RNF150: variants seen among roughly 807,000 people sequenced by gnomAD.
RNF150 encodes ring finger protein 150.
Under a neutral mutation model 39.3 loss-of-function variants are expected in RNF150, and 24 were observed. That is an observed-to-expected ratio of 0.61 (90% CI 0.44 to 0.86). The LOEUF is 0.86. Ranked by LOEUF, RNF150 falls within the 40% of genes least tolerant of loss-of-function variation. The pLI, the probability that RNF150 is intolerant of heterozygous loss-of-function variation, is 0.00. For synonymous variants in RNF150, 255 were observed against 227.3 expected, an observed-to-expected ratio of 1.12 and a Z score of -1.10; for missense variants, 502 against 587.8, an observed-to-expected ratio of 0.85 and a Z score of 1.51.
intron 4 of RNF150, among the ~76,000 whole-genome samples, chr4:140,942,097 C>T (rs1295226462): frequency 6.6e-6 from 1 of 152,096 alleles, no homozygotes; most frequent in Non-Finnish European, 1.5e-5. Flanking sequence ...GGCAAATGTA[C>T]TTAATGTCAC....
chr4:140,986,238 T>C (rs1048923358), intron 1 of RNF150, among the ~76,000 whole-genome samples: 4 of 152,090 alleles, frequency 2.6e-5, no homozygotes, highest in Admixed American at 2.6e-4. Flanking sequence ...GTCTGCTTTC[T>C]AGAACCTGAA....
chr4:140,987,424 G>C (rs1235241452), intron 1 of RNF150, among the ~76,000 whole-genome samples: 1 of 151,966 alleles, frequency 6.6e-6, no homozygotes, highest in Non-Finnish European at 1.5e-5. Flanking sequence ...CAGAAACACA[G>C]ACCAATAGAA....
In RNF150 at chr4:140,860,222, G is replaced by C. The variant is rs1342553536; in HGVS notation, c.*8039C>G. 6.6e-6 allele frequency: 1 copy of C among 151,546 alleles called. No homozygotes were observed. The highest frequency in any genetic ancestry group is 6.6e-5 in the Admixed American group (1 of 15,224). 9.4% of individuals were successfully genotyped at this position (151,546 alleles called of 1,614,324 possible). A position where few individuals can be genotyped will look rare whatever the true frequency, so the allele number is the denominator to read the frequency against. On this transcript the variant is annotated 3_prime_UTR_variant, in exon 7 of 7. Transcript: ENST00000515673. ...TAGGGTAGGTGCCTGAGGTGGGGAA[G>C]AAGGAAAGAAATTTATACAGAAAAA...
chr4:141,169,865 A>C (rs1727669044), intron 1 of RNF150, among the ~76,000 whole-genome samples: 1 of 151,854 alleles, frequency 6.6e-6, no homozygotes, highest in African/African-American at 2.4e-5. Context: ...ATTTTTTTCT[A>C]ATCTCTTTGA....
chr4:141,125,915 T>TA (rs1465543518), intron 1 of RNF150, among the ~76,000 whole-genome samples: 2 of 152,206 alleles, frequency 1.3e-5, no homozygotes, highest in South Asian at 2.1e-4. Flanking sequence ...TTCTATGACC[T>TA]AAAATGTATA....
chr4:140,948,972 C>T (rs1732433160), intron 3 of RNF150, among the ~76,000 whole-genome samples: 1 of 152,196 alleles, frequency 6.6e-6, no homozygotes, highest in African/African-American at 2.4e-5. Flanking sequence ...GCACTGGCTG[C>T]TAGAAAGCCC....
chr4:141,204,012 C>T (rs1478686460), intron 1 of RNF150, among the ~76,000 whole-genome samples: 1 of 152,126 alleles, frequency 6.6e-6, no homozygotes, highest in African/African-American at 2.4e-5. Flanking sequence ...GTGTAAAATG[C>T]AGCCATTCAG....
At chr4:140,971,846 G>A (rs58093145) in intron 1 of RNF150, among the ~76,000 whole-genome samples, 2,653 of 152,228 alleles carry the variant, frequency 0.017, 71 homozygotes, top group African/African-American at 0.06. Context: ...TAGAATAGCA[G>A]TACAGTGCTA....
intron 1 of RNF150, among the ~76,000 whole-genome samples, chr4:141,125,079 A>C (rs1726714947): frequency 6.6e-6 from 1 of 152,204 alleles, no homozygotes; most frequent in Non-Finnish European, 1.5e-5. Context: ...ATAACCACAA[A>C]TGTGAAATGG....
At chr4:140,929,357 AGTTTTT>A (rs1380606962) in intron 4 of RNF150, among the ~76,000 whole-genome samples, 1 of 122,360 alleles carries the variant, frequency 8.2e-6, no homozygotes, top group African/African-American at 3.1e-5. Context: ...CTGGATGCTA[AGTTTTT>A]TTTTTTTTTT....
intron 5 of RNF150, among the ~76,000 whole-genome samples, chr4:140,924,416 G>C (rs1418867825): frequency 6.6e-6 from 1 of 152,190 alleles, no homozygotes; most frequent in Non-Finnish European, 1.5e-5. Flanking sequence ...AAAATTGAAC[G>C]ATGGATGCTT....
chr4:140,883,378 G>A (rs780968255), intron 6 of RNF150, among the ~76,000 whole-genome samples: 9 of 152,060 alleles, frequency 5.9e-5, no homozygotes, highest in African/African-American at 1.2e-4. Context: ...GAGCTTCATG[G>A]TGCCGTAAGC....
chr4:141,196,328 G>T (rs997526687), intron 1 of RNF150, among the ~76,000 whole-genome samples: 2 of 152,122 alleles, frequency 1.3e-5, no homozygotes, highest in African/African-American at 4.8e-5. Flanking sequence ...ATAGCAAAGG[G>T]AGGAGGGCAA....
intron 1 of RNF150, among the ~76,000 whole-genome samples, chr4:141,056,940 A>G (rs933994346): frequency 2.6e-5 from 4 of 152,186 alleles, no homozygotes; most frequent in Non-Finnish European, 5.9e-5. Context: ...AATATTATAT[A>G]TGATTGATAA....
chr4:141,182,241 C>G (rs369597783), intron 1 of RNF150, among the ~76,000 whole-genome samples: 5 of 124,018 alleles, frequency 4.0e-5, no homozygotes, highest in Admixed American at 2.7e-4. Flanking sequence ...TGGGCAAAAA[C>G]TGGAAGCATT....
chr4:141,068,684 C>T (rs1424768509), intron 1 of RNF150, among the ~76,000 whole-genome samples: 1 of 149,864 alleles, frequency 6.7e-6, no homozygotes, highest in Non-Finnish European at 1.5e-5. Flanking sequence ...ATTCTTCCTA[C>T]CCATGAGCAT....
intron 6 of RNF150, among the ~76,000 whole-genome samples, chr4:140,893,278 C>T (rs549952025): frequency 6.6e-6 from 1 of 152,212 alleles, no homozygotes; most frequent in South Asian, 2.1e-4. Flanking sequence ...TGCAAGACTG[C>T]ATCTCTAATG....
intron 1 of RNF150, among the ~76,000 whole-genome samples, chr4:141,087,931 C>T (rs188428716): frequency 3.3e-5 from 5 of 152,194 alleles, no homozygotes; most frequent in Admixed American, 1.3e-4. Context: ...CCAGCAGTGG[C>T]GGGCAATGTC....
At chr4:140,917,628 C>T (rs1435723461) in intron 5 of RNF150, among the ~76,000 whole-genome samples, 3 of 152,104 alleles carry the variant, frequency 2.0e-5, no homozygotes, top group African/African-American at 7.2e-5. Context: ...TTAGACAGAT[C>T]AACGAGACAG....
Sources: allele counts gnomAD v4.1 joint callset (sites outside exome capture counted in the v4.1 genomes callset), GRCh38; gene constraint gnomAD v4.1.1; transcripts MANE v1.5; gene names NCBI Gene and HGNC (gene_info 2026-07-23, HGNC 2026-07-21).